The following NXPE2 variants were observed in gnomAD, a reference collection of about 807,000 sequenced individuals.
The protein encoded by NXPE2 is NXPE family member 2.
Under a neutral mutation model 34.4 loss-of-function variants are expected in NXPE2, and 34 were observed. The ratio of observed to expected loss-of-function variants is 0.99; its 90% CI spans 0.75 to 1.31. The LOEUF (loss-of-function observed/expected upper bound fraction) is 1.31. Among genes scored for constraint, NXPE2 ranks in the 40% most tolerant of loss-of-function variants. NXPE2 has a pLI of 0.00. For missense variants in NXPE2, 649 were observed against 672.5 expected, an observed-to-expected ratio of 0.97 and a Z score of 0.39; for synonymous variants, 235 against 231.3, an observed-to-expected ratio of 1.02 and a Z score of -0.15.
the NXPE2 span, among the ~76,000 whole-genome samples, chr11:114,519,374 T>A: frequency 1.3e-5 from 2 of 152,200 alleles, no homozygotes; most frequent in Non-Finnish European, 2.9e-5. Context: ...AAAGAGATGG[T>A]AAAACCTCTC....
the NXPE2 span, chr11:114,583,696 T>A: frequency 1.7e-6 from 1 of 575,368 alleles, no homozygotes; most frequent in Non-Finnish European, 3.5e-6. Flanking sequence ...TCAAGGCATC[T>A]GGCTTCTGTT....
At chr11:114,491,410 G>T in the NXPE2 span, among the ~76,000 whole-genome samples, 5 of 152,144 alleles carry the variant, frequency 3.3e-5, no homozygotes, top group Non-Finnish European at 7.4e-5. Flanking sequence ...ATGAAAAAAT[G>T]CTCATCATCA....
At chr11:114,569,069 G>C in the NXPE2 span, among the ~76,000 whole-genome samples, 3 of 152,112 alleles carry the variant, frequency 2.0e-5, no homozygotes, top group Non-Finnish European at 4.4e-5. Context: ...ATTATCTCCT[G>C]CTGCCCCCAA....
chr11:114,567,051 C>T, the NXPE2 span, among the ~76,000 whole-genome samples: 1 of 152,188 alleles, frequency 6.6e-6, no homozygotes, highest in South Asian at 2.1e-4. Flanking sequence ...AGGAACTCTC[C>T]TGCTGTTTCT....
chr11:114,787,705 CT>C, the NXPE2 span, among the ~76,000 whole-genome samples: 1 of 152,152 alleles, frequency 6.6e-6, no homozygotes, highest in Non-Finnish European at 1.5e-5. Context: ...ACAGATGCTA[CT>C]ATGTATGTAT....
chr11:114,615,840 A>T, the NXPE2 span, among the ~76,000 whole-genome samples: 4 of 151,710 alleles, frequency 2.6e-5, no homozygotes, highest in African/African-American at 9.7e-5. Flanking sequence ...CCCTGTGGAT[A>T]ATAAGAGATG....
At chr11:114,655,884 C>T in the NXPE2 span, among the ~76,000 whole-genome samples, 2 of 152,172 alleles carry the variant, frequency 1.3e-5, no homozygotes, top group Non-Finnish European at 2.9e-5. Context: ...AGGATGCCCT[C>T]TCTCATCACT....
chr11:114,549,729 A>G, the NXPE2 span, among the ~76,000 whole-genome samples: 1 of 152,142 alleles, frequency 6.6e-6, no homozygotes, highest in African/African-American at 2.4e-5. Flanking sequence ...GTGTTAGCTA[A>G]TGCAGTTAGA....
At chr11:114,477,909 G>A in the NXPE2 span, among the ~76,000 whole-genome samples, 2 of 152,104 alleles carry the variant, frequency 1.3e-5, no homozygotes, top group Admixed American at 6.5e-5. Context: ...GATAAGTAAA[G>A]TATTGCTTTG....
the NXPE2 span, among the ~76,000 whole-genome samples, chr11:114,605,347 G>T: frequency 6.6e-6 from 1 of 151,804 alleles, no homozygotes; most frequent in Non-Finnish European, 1.5e-5. Flanking sequence ...TGCCTCGTGG[G>T]TGACCACTGT....
the NXPE2 span, among the ~76,000 whole-genome samples, chr11:114,552,675 A>G: frequency 1.4e-4 from 22 of 152,038 alleles, no homozygotes; most frequent in African/African-American, 5.1e-4. Context: ...TTTGTAAAGT[A>G]TGAGTTATAA....
chr11:114,505,431 C>A, the NXPE2 span, among the ~76,000 whole-genome samples: 1 of 152,102 alleles, frequency 6.6e-6, no homozygotes, highest in South Asian at 2.1e-4. Context: ...TCATCAGATT[C>A]TCCAAGGTCA....
the NXPE2 span, among the ~76,000 whole-genome samples, chr11:114,609,542 A>C: frequency 6.6e-6 from 1 of 151,182 alleles, no homozygotes; most frequent in Non-Finnish European, 1.5e-5. Context: ...ACTGTTACCC[A>C]ATGGATAATG....
chr11:114,553,942 GAGC>G, the NXPE2 span: 1 of 985,238 alleles, frequency 1.0e-6, no homozygotes, highest in African/African-American at 1.7e-5. Flanking sequence ...TTTTCTGGGA[GAGC>G]AGGTTTGTCA....
the NXPE2 span, among the ~76,000 whole-genome samples, chr11:114,631,261 T>G: frequency 1.3e-5 from 2 of 151,804 alleles, no homozygotes; most frequent in Non-Finnish European, 2.9e-5. Flanking sequence ...TAGCAAAGAC[T>G]TGGAACCAAC....
At chr11:114,502,623 C>T in the NXPE2 span, among the ~76,000 whole-genome samples, 1 of 152,056 alleles carries the variant, frequency 6.6e-6, no homozygotes, top group African/African-American at 2.4e-5. Flanking sequence ...CTAGTTTCTT[C>T]TTTCACATAT....
the NXPE2 span, among the ~76,000 whole-genome samples, chr11:114,648,112 T>C: frequency 6.6e-6 from 1 of 152,300 alleles, no homozygotes; most frequent in East Asian, 1.9e-4. Context: ...CAAAAACCCT[T>C]AGAATCTCCT....
chr11:114,800,679 A>G, the NXPE2 span, among the ~76,000 whole-genome samples: 1 of 152,196 alleles, frequency 6.6e-6, no homozygotes, highest in Admixed American at 6.5e-5. Context: ...TGGAATCAGA[A>G]CTCCCAAGTT....
At chr11:114,688,531 T>G (rs80001432) in intron 2 of NXPE2, among the ~76,000 whole-genome samples, 1 of 152,040 alleles carries the variant, frequency 6.6e-6, no homozygotes, top group Non-Finnish European at 1.5e-5. Context: ...ATCAGAAATA[T>G]TTGTCTGTAA....
Sources: allele counts gnomAD v4.1 joint callset (sites outside exome capture counted in the v4.1 genomes callset), GRCh38; gene constraint gnomAD v4.1.1; transcripts MANE v1.5; gene names NCBI Gene and HGNC (gene_info 2026-07-23, HGNC 2026-07-21).